Variants in DSTYK observed in about 807,000 individuals in gnomAD.
DSTYK encodes dual serine/threonine and tyrosine protein kinase.
A neutral mutation model predicts 98.7 loss-of-function variants in DSTYK; 34 were observed. The observed-to-expected ratio is 0.34, with a 90% confidence interval of 0.26 to 0.46. The LOEUF (loss-of-function observed/expected upper bound fraction) is 0.46, where lower values mean the gene tolerates loss of function less well. Among genes scored for constraint, DSTYK ranks in the 20% least tolerant of loss-of-function variants. DSTYK has a pLI of 1.00. For synonymous variants in DSTYK, 462 were observed against 457.3 expected, an observed-to-expected ratio of 1.01 and a Z score of -0.13; for missense variants, 962 against 1,181.7, an observed-to-expected ratio of 0.81 and a Z score of 2.73.
Position 205,184,375 on chromosome 1 carries a change from C to G in DSTYK, c.654+3043G>C, listed in dbSNP as rs1009636661. The stretch of plus-strand genomic sequence containing the variant: ...ATCACTTGAGGTCAGTAGTTCCAGA[C>G]CAGCTGGCCAACACAGTGAAACTCC... On this transcript the variant is annotated intron_variant, in intron 2 of 12. Coordinates refer to ENST00000367162, the MANE Select transcript of DSTYK (RefSeq NM_015375.3). Among the ~76,000 whole-genome samples, 7 of 152,040 alleles carry G rather than the reference C, an allele frequency of 4.6e-5. 1 individual carries two copies. The South Asian group carries it at 1.0e-3, about 23-fold the overall frequency.
chr1:205,160,586 G>A lies in DSTYK; in HGVS notation c.1949-316C>T, dbSNP rs149193250. Among the ~76,000 whole-genome samples, 1,447 of 151,668 alleles carry A rather than the reference G, an allele frequency of 9.5e-3. 19 individuals carry two copies. Among genetic ancestry groups the A allele is most frequent in the African/African-American group, 0.033 (1,361 of 41,352 alleles). On this transcript the variant is annotated intron_variant, in intron 7 of 12. Transcript: ENST00000367162. Reference sequence around the variant, plus strand: ...CCTGGGCTCAAGTGATCCACCCACCGTGGCCTCCCAAAGTACTGGGATTAC... The same window carrying A: ...CCTGGGCTCAAGTGATCCACCCACCATGGCCTCCCAAAGTACTGGGATTAC...
intron 2 of DSTYK, among the ~76,000 whole-genome samples, chr1:205,181,698 G>GTGTGTGTGTGTGT (rs1553364733): frequency 1.4e-5 from 2 of 146,700 alleles, no homozygotes. Context: ...GTGTGTGTGT[G>GTGTGTGTGTGTGT]GCGGGGCAGG....
At chr1:205,185,636 A>G (rs1328606038) in intron 2 of DSTYK, among the ~76,000 whole-genome samples, 1 of 152,262 alleles carries the variant, frequency 6.6e-6, no homozygotes, top group Non-Finnish European at 1.5e-5. Context: ...TGCAGAAAGC[A>G]AAAGTAATAT....
At chr1:205,210,129 T>C (rs1574809909) in intron 1 of DSTYK, among the ~76,000 whole-genome samples, 1 of 152,192 alleles carries the variant, frequency 6.6e-6, no homozygotes, top group Non-Finnish European at 1.5e-5. Flanking sequence ...CCCGAATTCC[T>C]GACCTCAAGT....
rs1214674031 is a variant in DSTYK at position 205,147,197 on chromosome 1, C to G, written c.*361G>C. The G allele has an allele frequency of 6.0e-6, 1 of 165,628 alleles. No homozygotes were observed. The highest frequency in any genetic ancestry group is 1.3e-5 in the Non-Finnish European group (1 of 77,222). 10.3% of individuals were successfully genotyped at this position (165,628 alleles called of 1,614,324 possible). On this transcript the variant is annotated 3_prime_UTR_variant, in exon 13 of 13. Coordinates refer to ENST00000367162, the MANE Select transcript of DSTYK (RefSeq NM_015375.3). ...ATCATGAGAATGAGATTTTTTAACA[C>G]TATTGCCACTGCAGTGTCCCGCTTG...
Position 205,163,899 on chromosome 1 carries a change from T to C in DSTYK, c.1381A>G (p.Ile461Val), listed in dbSNP as rs1574760269. Residue 461 changes from isoleucine to valine, a missense_variant, in exon 4 of 13, where the codon ATC becomes GTC. This residue lies in a region of DSTYK where 660 missense variants were observed against 855.0 expected (regional missense o/e 0.77). Transcript: ENST00000367162. ...ATGATGAGTTCCTGGATCTGTCGGA[T>C]GCAGCATTTGATCTCTCTGGTGCCT... is the stretch of plus-strand genomic sequence containing the variant. ...PVGTREIKCC[I>V]RQIQELIISR... 6.2e-7 allele frequency: 1 copy of C among 1,614,196 alleles called. No individual in the cohort carries two copies. Among genetic ancestry groups the C allele is most frequent in the Non-Finnish European group, 8.5e-7 (1 of 1,180,032 alleles).
At chr1:205,163,052 T>G in intron 4 of DSTYK, 46 bp from the exon 5 acceptor site, 1 of 1,510,308 alleles carries the variant, frequency 6.6e-7, no homozygotes, top group Non-Finnish European at 9.2e-7. Flanking sequence ...GTAGTGTGGC[T>G]ATTTTAAAAA....
rs367644264 is a variant in DSTYK, at chr1:205,163,697, T to C, written c.1557+26A>G. ...TTTTCATGTGCTATCTATGACACGA[T>C]GTCTTAAAAATCATTCTTTGTCTAC... On this transcript the variant is annotated intron_variant, in intron 4 of 12. Coordinates refer to ENST00000367162, the MANE Select transcript of DSTYK (RefSeq NM_015375.3). 67 of 1,578,170 alleles carry C rather than the reference T, an allele frequency of 4.2e-5. No homozygotes were observed. In the African/African-American group the frequency reaches 7.7e-4, roughly 18 times the overall value.
At chr1:205,174,250 C>T (rs1658158520) in intron 2 of DSTYK, among the ~76,000 whole-genome samples, 1 of 151,696 alleles carries the variant, frequency 6.6e-6, no homozygotes, top group Non-Finnish European at 1.5e-5. Context: ...CAAGGTGGCT[C>T]ACACCTGTAA....
At chr1:205,176,110 G>A (rs1658220861) in intron 2 of DSTYK, among the ~76,000 whole-genome samples, 1 of 152,144 alleles carries the variant, frequency 6.6e-6, no homozygotes, top group Admixed American at 6.6e-5. Context: ...TTCTCTTGTA[G>A]AACGCATTCT....
At chr1:205,155,945 A>G (rs1312198811) in intron 10 of DSTYK, among the ~76,000 whole-genome samples, 1 of 152,248 alleles carries the variant, frequency 6.6e-6, no homozygotes, top group Non-Finnish European at 1.5e-5. Context: ...CTTCAGTTCC[A>G]GCTGTGGCTA....
Position 205,148,031 on chromosome 1 carries a change from G to A in DSTYK, c.2602+174C>T, listed in dbSNP as rs185674839. Reference sequence around the variant, plus strand: ...TTTCGAGATAGTTCAATAGAGAGTTGACTTGAAGCAAAGGTTGACTTAAAT... The same window carrying A: ...TTTCGAGATAGTTCAATAGAGAGTTAACTTGAAGCAAAGGTTGACTTAAAT... On this transcript the variant is annotated intron_variant, in intron 12 of 12. Coordinates refer to ENST00000367162, the MANE Select transcript of DSTYK (RefSeq NM_015375.3). Among the ~76,000 whole-genome samples, 11 of 152,290 alleles carry A rather than the reference G, an allele frequency of 7.2e-5. No individual in the cohort carries two copies. The East Asian group carries it at 1.3e-3, about 19-fold the overall frequency.
At chr1:205,173,590 T>C (rs1272458967) in intron 2 of DSTYK, among the ~76,000 whole-genome samples, 4 of 152,110 alleles carry the variant, frequency 2.6e-5, no homozygotes, top group African/African-American at 9.7e-5. Flanking sequence ...AGGAAGAATT[T>C]TGTTTGTTTT....
intron 1 of DSTYK, among the ~76,000 whole-genome samples, chr1:205,193,190 A>G (rs1458691661): frequency 1.7e-4 from 26 of 152,178 alleles, no homozygotes; most frequent in Non-Finnish European, 1.0e-4. Flanking sequence ...AGAAATTCTT[A>G]GTGCTCTGCT....
chr1:205,183,058 TGTTC>T (rs1658461589), intron 2 of DSTYK, among the ~76,000 whole-genome samples: 1 of 120,976 alleles, frequency 8.3e-6, no homozygotes. Context: ...TTCTTATAGG[TGTTC>T]ACAGGAAAAA....
At chr1:205,174,998 A>T (rs939045070) in intron 2 of DSTYK, among the ~76,000 whole-genome samples, 1 of 151,854 alleles carries the variant, frequency 6.6e-6, no homozygotes, top group African/African-American at 2.4e-5. Context: ...TGGTCTCCCA[A>T]AGTGCGGGGA....
intron 1 of DSTYK, among the ~76,000 whole-genome samples, chr1:205,201,522 C>T (rs1242673155): frequency 6.6e-6 from 1 of 151,040 alleles, no homozygotes; most frequent in Non-Finnish European, 1.5e-5. Flanking sequence ...TACAAAAATC[C>T]TTATGTTCTA....
intron 11 of DSTYK, among the ~76,000 whole-genome samples, chr1:205,148,903 GTT>G (rs201437284): frequency 8.1e-5 from 11 of 135,700 alleles, no homozygotes; most frequent in Admixed American, 7.4e-5. Flanking sequence ...ATTAGAAAGT[GTT>G]TTTTTTTTTT....
At position 205,147,523 on chromosome 1, in the gene DSTYK, A is replaced by C; in HGVS notation, c.*35T>G. ...ATGGCCAAAAGGTGAGGGGGAAGGAAATAACTAGAGAGTGAAAGAGAAAGG... is the reference window on the plus strand; with the variant it reads ...ATGGCCAAAAGGTGAGGGGGAAGGACATAACTAGAGAGTGAAAGAGAAAGG... On this transcript the variant is annotated 3_prime_UTR_variant, in exon 13 of 13. Coordinates refer to ENST00000367162, the MANE Select transcript of DSTYK (RefSeq NM_015375.3). 6.3e-7 allele frequency: 1 copy of C among 1,587,150 alleles called. No individual in the cohort carries two copies. The highest frequency in any genetic ancestry group is 2.3e-5 in the East Asian group (1 of 44,184).
Sources: allele counts gnomAD v4.1 joint callset (sites outside exome capture counted in the v4.1 genomes callset), GRCh38; gene constraint gnomAD v4.1.1; regional missense constraint gnomAD v4.1.1; transcripts MANE v1.5; gene names NCBI Gene and HGNC (gene_info 2026-07-23, HGNC 2026-07-21).